The following SEMA3E variants were observed in gnomAD, a reference collection of about 807,000 sequenced individuals.
The protein encoded by SEMA3E is semaphorin-3E.
SEMA3E carries 49 observed loss-of-function variants against 93.6 expected under a neutral mutation model. That is an observed-to-expected ratio of 0.52 (90% CI 0.42 to 0.66). The LOEUF (loss-of-function observed/expected upper bound fraction) is 0.66, where lower values mean the gene tolerates loss of function less well. Among genes scored for constraint, SEMA3E ranks in the 30% least tolerant of loss-of-function variants. The probability of loss-of-function intolerance (pLI) is 0.00; values close to 1 mark genes in which losing one functional copy is unlikely to be tolerated. For synonymous variants in SEMA3E, 363 were observed against 330.7 expected (o/e 1.10, Z -1.06); for missense variants, 906 against 964.8 (o/e 0.94, Z 0.81).
chr7:83,370,667 T>C (rs989259494), intron 16 of SEMA3E, among the ~76,000 whole-genome samples: 3 of 152,146 alleles, frequency 2.0e-5, no homozygotes, highest in African/African-American at 7.2e-5. Flanking sequence ...CGTAACTGAA[T>C]TAAATATCAT....
intron 1 of SEMA3E, among the ~76,000 whole-genome samples, chr7:83,585,083 G>A (rs1792596363): frequency 6.6e-6 from 1 of 152,014 alleles, no homozygotes; most frequent in Non-Finnish European, 1.5e-5. Context: ...CTGGCCTTAG[G>A]TTATTTGCAT....
intron 16 of SEMA3E, among the ~76,000 whole-genome samples, chr7:83,384,131 C>G (rs1341756600): frequency 6.6e-6 from 1 of 151,896 alleles, no homozygotes; most frequent in Non-Finnish European, 1.5e-5. Context: ...TCCAAAGAAT[C>G]AAGGATTTAC....
intron 1 of SEMA3E, among the ~76,000 whole-genome samples, chr7:83,525,784 G>GTT (rs35792837): frequency 5.9e-4 from 76 of 128,560 alleles, no homozygotes; most frequent in African/African-American, 2.0e-3. Context: ...GTTTGTTTGG[G>GTT]TTTTTTTTTT....
At chr7:83,605,751 A>C (rs1211964469) in intron 1 of SEMA3E, among the ~76,000 whole-genome samples, 1 of 152,012 alleles carries the variant, frequency 6.6e-6, no homozygotes, top group Non-Finnish European at 1.5e-5. Flanking sequence ...TTCTTTTGAG[A>C]AGTGTCTGTT....
At chr7:83,399,969 A>G in intron 11 of SEMA3E, 59 bp downstream of exon 11, 1 of 1,310,994 alleles carries the variant, frequency 7.6e-7, no homozygotes, top group South Asian at 1.2e-5. Flanking sequence ...AAATATTATT[A>G]AAATTATTGA....
At chr7:83,544,791 A>T (rs2115776821) in intron 1 of SEMA3E, among the ~76,000 whole-genome samples, 1 of 151,982 alleles carries the variant, frequency 6.6e-6, no homozygotes, top group East Asian at 2.0e-4. Flanking sequence ...CTGTAGTTTC[A>T]TATTGTTTCC....
At chr7:83,410,948 A>T (rs1369901345) in intron 5 of SEMA3E, among the ~76,000 whole-genome samples, 3 of 152,092 alleles carry the variant, frequency 2.0e-5, no homozygotes, top group African/African-American at 7.2e-5. Flanking sequence ...ATGGGAATGA[A>T]GATTAGATTT....
At chr7:83,502,071 T>A (rs1177266062) in intron 1 of SEMA3E, among the ~76,000 whole-genome samples, 2 of 152,120 alleles carry the variant, frequency 1.3e-5, no homozygotes, top group Non-Finnish European at 2.9e-5. Flanking sequence ...AACCAACTCC[T>A]TTCCCAGGCT....
chr7:83,389,983 G>A (rs1319994072), intron 14 of SEMA3E, among the ~76,000 whole-genome samples: 23 of 104,160 alleles, frequency 2.2e-4, no homozygotes, highest in African/African-American at 5.5e-4. Flanking sequence ...ACATATATAC[G>A]CGTATATGTG....
At chr7:83,398,681 C>A (rs12666779) in intron 11 of SEMA3E, among the ~76,000 whole-genome samples, 1 of 152,026 alleles carries the variant, frequency 6.6e-6, no homozygotes, top group Non-Finnish European at 1.5e-5. Context: ...TGGTGGCTTA[C>A]GCCAGTAATA....
At chr7:83,614,257 C>T (rs183467479) in intron 1 of SEMA3E, among the ~76,000 whole-genome samples, 326 of 152,064 alleles carry the variant, frequency 2.1e-3, no homozygotes, top group African/African-American at 7.6e-3. Flanking sequence ...AAATTCAGGA[C>T]GTAAACAGCC....
intron 1 of SEMA3E, among the ~76,000 whole-genome samples, chr7:83,499,577 CT>C (rs2115593799): frequency 6.6e-6 from 1 of 152,140 alleles, no homozygotes; most frequent in South Asian, 2.1e-4. Flanking sequence ...AATTTTTAAA[CT>C]GTTAAGTTTT....
intron 1 of SEMA3E, among the ~76,000 whole-genome samples, chr7:83,511,622 T>C (rs2115649802): frequency 6.6e-6 from 1 of 152,210 alleles, no homozygotes; most frequent in East Asian, 1.9e-4. Context: ...CGGTGGCTCA[T>C]GCCTGTAATC....
At chr7:83,511,288 T>G (rs1210031141) in intron 1 of SEMA3E, among the ~76,000 whole-genome samples, 3 of 151,094 alleles carry the variant, frequency 2.0e-5, no homozygotes, top group African/African-American at 4.9e-5. Context: ...TAAATATGTT[T>G]TTTTTTTTTT....
At chr7:83,395,059 C>G (rs1439172708) in intron 12 of SEMA3E, among the ~76,000 whole-genome samples, 1 of 152,164 alleles carries the variant, frequency 6.6e-6, no homozygotes, top group African/African-American at 2.4e-5. Flanking sequence ...AACATTTGAT[C>G]CTCTATGTCA....
At chr7:83,500,762 T>G (rs1220494500) in intron 1 of SEMA3E, among the ~76,000 whole-genome samples, 1 of 151,850 alleles carries the variant, frequency 6.6e-6, no homozygotes, top group East Asian at 2.0e-4. Context: ...CCGGCTGATG[T>G]TTGTATTTGG....
chr7:83,537,340 G>A (rs1457880758), intron 1 of SEMA3E, among the ~76,000 whole-genome samples: 1 of 152,074 alleles, frequency 6.6e-6, no homozygotes, highest in African/African-American at 2.4e-5. Context: ...CCTACATATT[G>A]CAGCTTTCTT....
chr7:83,525,546 C>A (rs1751862680), intron 1 of SEMA3E, among the ~76,000 whole-genome samples: 1 of 151,184 alleles, frequency 6.6e-6, no homozygotes, highest in Non-Finnish European at 1.5e-5. Flanking sequence ...TTTTTTTCAT[C>A]ATTTCCCCCT....
chr7:83,479,079 G>T (rs1482994665), intron 2 of SEMA3E, among the ~76,000 whole-genome samples: 1 of 152,074 alleles, frequency 6.6e-6, no homozygotes, highest in Non-Finnish European at 1.5e-5. Context: ...TATTCTTCAC[G>T]AACTAGTCTG....
Sources: gnomAD v4.1 joint callset for allele counts (sites outside exome capture counted in the v4.1 genomes callset) on GRCh38, gnomAD v4.1.1 for gene constraint, MANE v1.5 for transcripts, NCBI Gene and HGNC (gene_info 2026-07-23, HGNC 2026-07-21) for gene names.